The following RTL4 variants were observed in gnomAD, a reference collection of about 807,000 sequenced individuals.
RTL4 encodes the protein retrotransposon Gag-like protein 4.
A neutral mutation model predicts 5.3 loss-of-function variants in RTL4; 4 were observed. The ratio of observed to expected loss-of-function variants is 0.75; its 90% confidence interval spans 0.37 to 1.72. RTL4 has a LOEUF of 1.72. Among genes scored for constraint, RTL4 ranks in the 40% most tolerant of loss-of-function variants. The probability of loss-of-function intolerance (pLI) is 0.04; values close to 1 mark genes in which losing one functional copy is unlikely to be tolerated. For synonymous variants in RTL4, 98 were observed against 87.3 expected, an observed-to-expected ratio of 1.12 and a Z score of -0.68; for missense variants, 260 against 227.1, an observed-to-expected ratio of 1.14 and a Z score of -0.93.
At chrX:112,310,771 A>T in the RTL4 span, among the ~76,000 whole-genome samples, 10 of 79,544 alleles carry the variant, frequency 1.3e-4, no homozygotes, top group African/African-American at 5.2e-4. Context: ...TCAATATTAT[A>T]TATAATATAT....
chrX:112,424,782 C>G, the RTL4 span, among the ~76,000 whole-genome samples: 5 of 110,587 alleles, frequency 4.5e-5, no homozygotes, highest in East Asian at 1.1e-3. Flanking sequence ...ATTTTTAGAG[C>G]AGTTTTAGGC....
the RTL4 span, among the ~76,000 whole-genome samples, chrX:112,090,200 G>A: frequency 9.1e-6 from 1 of 109,983 alleles, no homozygotes; most frequent in African/African-American, 3.3e-5. Context: ...TCTGTGAATA[G>A]AGGTAGTTTT....
the RTL4 span, among the ~76,000 whole-genome samples, chrX:112,311,890 C>T: frequency 9.0e-6 from 1 of 110,995 alleles, no homozygotes; most frequent in Non-Finnish European, 1.9e-5. Flanking sequence ...TTCAGAGTAG[C>T]TGCTCATATC....
At chrX:112,181,345 T>C in the RTL4 span, among the ~76,000 whole-genome samples, 1 of 110,903 alleles carries the variant, frequency 9.0e-6, no homozygotes, top group Non-Finnish European at 1.9e-5. Context: ...TTCACTCCCC[T>C]GAAAAGGGGG....
chrX:112,323,246 T>G, the RTL4 span, among the ~76,000 whole-genome samples: 1 of 111,690 alleles, frequency 9.0e-6, no homozygotes, highest in African/African-American at 3.2e-5. Context: ...TCCTGACTGC[T>G]AGTGAATCTT....
the RTL4 span, among the ~76,000 whole-genome samples, chrX:112,191,599 C>A: frequency 2.7e-4 from 30 of 112,014 alleles, no homozygotes; most frequent in African/African-American, 8.7e-4. Context: ...GAAATTCTGA[C>A]TGCATTTTGT....
chrX:112,454,892 C>T, exon 1 of RTL4: 1 of 1,210,850 alleles, frequency 8.3e-7, no homozygotes, highest in Non-Finnish European at 1.1e-6. Flanking sequence ...ATGCCTGTAC[C>T]ATACTCACTT....
chrX:112,201,407 T>TATA, the RTL4 span, among the ~76,000 whole-genome samples: 1 of 111,585 alleles, frequency 9.0e-6, no homozygotes, highest in Non-Finnish European at 1.9e-5. Context: ...ATATTGTAAG[T>TATA]GATGTACATC....
chrX:112,303,383 G>T, the RTL4 span, among the ~76,000 whole-genome samples: 1 of 109,547 alleles, frequency 9.1e-6, no homozygotes, highest in Non-Finnish European at 1.9e-5. Flanking sequence ...TAGGAAAATT[G>T]TTTGGAGTTT....
chrX:112,360,782 T>C, the RTL4 span, among the ~76,000 whole-genome samples: 2 of 110,585 alleles, frequency 1.8e-5, no homozygotes, highest in African/African-American at 6.6e-5. Context: ...TTTCCTACTG[T>C]ATACTTCTGA....
chrX:112,093,691 T>C, the RTL4 span, among the ~76,000 whole-genome samples: 1 of 111,948 alleles, frequency 8.9e-6, no homozygotes, highest in Non-Finnish European at 1.9e-5. Flanking sequence ...GAGGAAGGAT[T>C]TGATGACAGG....
At chrX:112,408,567 G>A in the RTL4 span, among the ~76,000 whole-genome samples, 1 of 109,221 alleles carries the variant, frequency 9.2e-6, no homozygotes, top group African/African-American at 3.4e-5. Flanking sequence ...TATGAAGTAG[G>A]TAGAGAAAGA....
the RTL4 span, among the ~76,000 whole-genome samples, chrX:112,422,094 G>C: frequency 5.4e-5 from 6 of 112,018 alleles, no homozygotes; most frequent in African/African-American, 1.9e-4. Context: ...TATAAGGTTT[G>C]TTATTTATGA....
At chrX:112,296,164 C>T in the RTL4 span, among the ~76,000 whole-genome samples, 1 of 110,132 alleles carries the variant, frequency 9.1e-6, no homozygotes, top group South Asian at 3.9e-4. Context: ...CCTCTCTATC[C>T]AACCTCATCT....
At chrX:112,120,308 G>A in the RTL4 span, among the ~76,000 whole-genome samples, 1 of 112,249 alleles carries the variant, frequency 8.9e-6, no homozygotes. Context: ...ACGGAGTCTG[G>A]CTCTGTCGCC....
At chrX:112,243,950 T>C in the RTL4 span, among the ~76,000 whole-genome samples, 1 of 111,959 alleles carries the variant, frequency 8.9e-6, no homozygotes, top group Non-Finnish European at 1.9e-5. Flanking sequence ...AATTTCATTA[T>C]GTTCCCAGTA....
chrX:112,262,023 A>G, the RTL4 span, among the ~76,000 whole-genome samples: 1 of 111,752 alleles, frequency 8.9e-6, no homozygotes, highest in Non-Finnish European at 1.9e-5. Flanking sequence ...CCTTCCTTAC[A>G]CCTTATACAA....
At chrX:112,379,326 A>T in the RTL4 span, among the ~76,000 whole-genome samples, 1 of 112,288 alleles carries the variant, frequency 8.9e-6, no homozygotes, top group African/African-American at 3.2e-5. Flanking sequence ...AGTAGATTAC[A>T]TAGGCCTGGA....
chrX:112,326,124 G>A, the RTL4 span, among the ~76,000 whole-genome samples: 21 of 111,621 alleles, frequency 1.9e-4, 2 homozygotes, highest in Admixed American at 1.8e-3. Context: ...TTAGAATGGC[G>A]ATCATTAAAA....
Sources: gnomAD v4.1 joint callset for allele counts (sites outside exome capture counted in the v4.1 genomes callset) on GRCh38, gnomAD v4.1.1 for gene constraint, MANE v1.5 for transcripts, NCBI Gene and HGNC (gene_info 2026-07-23, HGNC 2026-07-21) for gene names.